LYNX1: variants seen among roughly 807,000 people sequenced by gnomAD.
LYNX1 encodes Ly6/neurotoxin 1.
In LYNX1, 8 loss-of-function variants were observed where a neutral mutation model predicts 8.3. The observed-to-expected ratio is 0.97, with a 90% confidence interval of 0.57 to 1.74. The LOEUF (loss-of-function observed/expected upper bound fraction) is 1.74. Among genes scored for constraint, LYNX1 ranks in the 40% most tolerant of loss-of-function variants. The probability of loss-of-function intolerance (pLI) is 0.00; values close to 1 mark genes in which losing one functional copy is unlikely to be tolerated. For synonymous variants in LYNX1, 73 were observed against 67.9 expected (o/e 1.08, Z -0.37); for missense variants, 158 against 159.7 (o/e 0.99, Z 0.06).
chr8:142,772,703 A>C lies in LYNX1; in HGVS notation c.*2464T>G, dbSNP rs181896698. Reference sequence around the variant, plus strand: ...TGATGCATACAACCCGGACAAGTTTACTGCTGTGATTTCTGCCGGCGCTGC... The same window carrying C: ...TGATGCATACAACCCGGACAAGTTTCCTGCTGTGATTTCTGCCGGCGCTGC... On this transcript the variant is annotated 3_prime_UTR_variant, in exon 4 of 4. Coordinates refer to ENST00000652477, the MANE Select transcript of LYNX1 (RefSeq NM_177477.4). 88 of 985,590 alleles carry C rather than the reference A, an allele frequency of 8.9e-5. No homozygotes were observed. In the East Asian group the frequency reaches 7.9e-3, roughly 89 times the overall value. The allele number at this position is 985,590 out of a possible 1,614,324, so 61.1% of individuals were successfully genotyped here.
chr8:142,771,322 A>C lies in LYNX1; in HGVS notation c.*3845T>G. 1 of 985,592 alleles carries C rather than the reference A, an allele frequency of 1.0e-6. No homozygotes were observed. The highest frequency in any genetic ancestry group is 1.2e-6 in the Non-Finnish European group (1 of 830,020). 61.1% of individuals were successfully genotyped at this position (985,592 alleles called of 1,614,324 possible). ...CTGGGAAGCACCTGGACCCCAGAAC[A>C]TAAGACAGGAGGGAGAGATGCCATC... On this transcript the variant is annotated 3_prime_UTR_variant, in exon 4 of 4. Transcript: ENST00000652477.
chr8:142,774,982 A>G lies in LYNX1; in HGVS notation c.*185T>C. 1.4e-6 allele frequency: 2 copies of G among 1,433,204 alleles called. No homozygotes were observed. The highest frequency in any genetic ancestry group is 3.0e-5 in the South Asian group (2 of 66,626). The allele number at this position is 1,433,204 out of a possible 1,614,324, so 88.8% of individuals were successfully genotyped here. ...GATCCCACACAGCATCGAAAGGTCA[A>G]GGCCTCGAAGTGAGGTCGTGTGGTG... On this transcript the variant is annotated 3_prime_UTR_variant, in exon 4 of 4. Transcript: ENST00000652477.
At position 142,771,530 on chromosome 8, in the gene LYNX1, G is replaced by A. The variant is rs1407385390; in HGVS notation, c.*3637C>T. ...GGTGGCTCTGTCCACCCTTCTGTCT[G>A]GGAGGCTCCTTAAGGCTGGGGAGGG... On this transcript the variant is annotated 3_prime_UTR_variant, in exon 4 of 4. Coordinates refer to ENST00000652477, the MANE Select transcript of LYNX1 (RefSeq NM_177477.4). 10 of 985,270 alleles carry A rather than the reference G, an allele frequency of 1.0e-5. No individual in the cohort carries two copies. Among genetic ancestry groups the A allele is most frequent in the Admixed American group, 1.2e-4 (2 of 16,262 alleles). The allele number at this position is 985,270 out of a possible 1,614,324, so 61.0% of individuals were successfully genotyped here.
chr8:142,771,885 A>C lies in LYNX1; in HGVS notation c.*3282T>G. 6 of 985,864 alleles carry C rather than the reference A, an allele frequency of 6.1e-6. No individual in the cohort carries two copies. The highest frequency in any genetic ancestry group is 7.2e-6 in the Non-Finnish European group (6 of 829,996). 61.1% of individuals were successfully genotyped at this position (985,864 alleles called of 1,614,324 possible). A position where few individuals can be genotyped will look rare whatever the true frequency, so the allele number is the denominator to read the frequency against. ...CCCCAAAGACCCCAGGACAGACCAG[A>C]GCTCCTGCTGGAGCCGGGTGTCCCC... On this transcript the variant is annotated 3_prime_UTR_variant, in exon 4 of 4. Transcript: ENST00000652477.
chr8:142,774,974 A>G lies in LYNX1; in HGVS notation c.*193T>C. ...ACTTTTGGGATCCCACACAGCATCGAAAGGTCAAGGCCTCGAAGTGAGGTC... is the reference window on the plus strand; with the variant it reads ...ACTTTTGGGATCCCACACAGCATCGGAAGGTCAAGGCCTCGAAGTGAGGTC... On this transcript the variant is annotated 3_prime_UTR_variant, in exon 4 of 4. Coordinates refer to ENST00000652477, the MANE Select transcript of LYNX1 (RefSeq NM_177477.4). The G allele has an allele frequency of 7.0e-7, 1 of 1,429,490 alleles. No individual in the cohort carries two copies. Among genetic ancestry groups the G allele is most frequent in the Non-Finnish European group, 9.1e-7 (1 of 1,095,808 alleles). The allele number at this position is 1,429,490 out of a possible 1,614,324, so 88.6% of individuals were successfully genotyped here. A position where few individuals can be genotyped will look rare whatever the true frequency, so the allele number is the denominator to read the frequency against.
chr8:142,771,496 G>A lies in LYNX1; in HGVS notation c.*3671C>T. ...AGGGAGGACCCCCGTGTGTCTCTCG[G>A]GCTGCCCAGGTGGCTCTGTCCACCC... On this transcript the variant is annotated 3_prime_UTR_variant, in exon 4 of 4. Transcript: ENST00000652477. 1 of 985,474 alleles carries A rather than the reference G, an allele frequency of 1.0e-6. No homozygotes were observed. Among genetic ancestry groups the A allele is most frequent in the Non-Finnish European group, 1.2e-6 (1 of 829,958 alleles). 61.0% of individuals were successfully genotyped at this position (985,474 alleles called of 1,614,324 possible). A position where few individuals can be genotyped will look rare whatever the true frequency, so the allele number is the denominator to read the frequency against.
In LYNX1 at chr8:142,774,960, C is replaced by T. The variant is rs2130112128; in HGVS notation, c.*207G>A. 1.4e-6 allele frequency: 2 copies of T among 1,428,120 alleles called. No homozygotes were observed. Among genetic ancestry groups the T allele is most frequent in the Non-Finnish European group, 1.8e-6 (2 of 1,095,244 alleles). The allele number at this position is 1,428,120 out of a possible 1,614,324, so 88.5% of individuals were successfully genotyped here. ...CATCAAAGCCGGACACTTTTGGGAT[C>T]CCACACAGCATCGAAAGGTCAAGGC... On this transcript the variant is annotated 3_prime_UTR_variant, in exon 4 of 4. Transcript: ENST00000652477.
chr8:142,774,576 C>T lies in LYNX1; in HGVS notation c.*591G>A, dbSNP rs1477067441. 4.8e-5 allele frequency: 47 copies of T among 985,748 alleles called. No homozygotes were observed. Among genetic ancestry groups the T allele is most frequent in the Non-Finnish European group, 5.3e-5 (44 of 830,268 alleles). 61.1% of individuals were successfully genotyped at this position (985,748 alleles called of 1,614,324 possible). ...GGGCCTGCTGAGGCAGAGCCGCCCC[C>T]TCCCCTGCAGGGGGTGGCTCCAACT... On this transcript the variant is annotated 3_prime_UTR_variant, in exon 4 of 4. Coordinates refer to ENST00000652477, the MANE Select transcript of LYNX1 (RefSeq NM_177477.4).
Position 142,774,144 on chromosome 8 carries a change from C to CGCCCCGG in LYNX1, c.*1022_*1023insCCGGGGC. 3 of 983,740 alleles carry CGCCCCGG rather than the reference C, an allele frequency of 3.0e-6. No homozygotes were observed. Among genetic ancestry groups the CGCCCCGG allele is most frequent in the Non-Finnish European group, 3.6e-6 (3 of 829,040 alleles). 60.9% of individuals were successfully genotyped at this position (983,740 alleles called of 1,614,324 possible). On this transcript the variant is annotated 3_prime_UTR_variant, in exon 4 of 4. Coordinates refer to ENST00000652477, the MANE Select transcript of LYNX1 (RefSeq NM_177477.4). ...CGCTGCGGGGGAGGGGCTGGGTCTC[C>CGCCCCGG]GCCCTCCCCACCCCACCCTCCCCAC...
Position 142,772,782 on chromosome 8 carries a change from C to T in LYNX1, c.*2385G>A. The T allele has an allele frequency of 1.0e-6, 1 of 985,592 alleles. No homozygotes were observed. Among genetic ancestry groups the T allele is most frequent in the Non-Finnish European group, 1.2e-6 (1 of 830,032 alleles). 61.1% of individuals were successfully genotyped at this position (985,592 alleles called of 1,614,324 possible). On this transcript the variant is annotated 3_prime_UTR_variant, in exon 4 of 4. Transcript: ENST00000652477. ...ACGCACTCCCCATGAGTGGGCCTGC[C>T]CAGCATTAGCTGAGTGCCTTCTGTG...
Position 142,775,025 on chromosome 8 carries a change from GT to G in LYNX1, c.*141del. The stretch of plus-strand genomic sequence containing the variant: ...GTGTGGTGGTTGGGGGAGGTCGGGT[GT>G]CTTCTTGCCCACAGTCCTGACCCTG... On this transcript the variant is annotated 3_prime_UTR_variant, in exon 4 of 4. Coordinates refer to ENST00000652477, the MANE Select transcript of LYNX1 (RefSeq NM_177477.4). The G allele has an allele frequency of 6.9e-7, 1 of 1,442,994 alleles. No individual in the cohort carries two copies. Among genetic ancestry groups the G allele is most frequent in the Non-Finnish European group, 9.1e-7 (1 of 1,101,908 alleles). 89.4% of individuals were successfully genotyped at this position (1,442,994 alleles called of 1,614,324 possible). A position where few individuals can be genotyped will look rare whatever the true frequency, so the allele number is the denominator to read the frequency against.
At chr8:142,775,427 C>T in intron 3 of LYNX1, 64 bp from the exon 4 acceptor site, 1 of 1,591,752 alleles carries the variant, frequency 6.3e-7, no homozygotes, top group South Asian at 1.1e-5. Context: ...GCTGGCCCCA[C>T]CCCAGCATCC....
Position 142,774,372 on chromosome 8 carries a change from A to G in LYNX1, c.*795T>C. On this transcript the variant is annotated 3_prime_UTR_variant, in exon 4 of 4. Transcript: ENST00000652477. ...GCTCTGCCCCTTTCCCTCCCTGCCCAGAATAGCGCTGGCCGGGTCAGCGTC... is the reference window on the plus strand; with the variant it reads ...GCTCTGCCCCTTTCCCTCCCTGCCCGGAATAGCGCTGGCCGGGTCAGCGTC... 1.0e-6 allele frequency: 1 copy of G among 985,762 alleles called. No homozygotes were observed. 61.1% of individuals were successfully genotyped at this position (985,762 alleles called of 1,614,324 possible).
In LYNX1 at chr8:142,775,645, G is replaced by A; in HGVS notation, c.102C>T (p.Phe34=). The stretch of plus-strand genomic sequence containing the variant: ...CCATAGCCGGGCAGCGCATGGGGTT[G>A]AAGCAGTTGTCTCCGTTGTAGGCAC... ...HVCAYNGDNC[F]NPMRCPAMVA... Residue 34 remains phenylalanine (F), a synonymous_variant, in exon 3 of 4, where the codon TTC becomes TTT. Transcript: ENST00000652477. 1 of 1,604,286 alleles carries A rather than the reference G, an allele frequency of 6.2e-7. No individual in the cohort carries two copies. The highest frequency in any genetic ancestry group is 8.5e-7 in the Non-Finnish European group (1 of 1,175,536).
rs1038561824 is a variant in LYNX1 at position 142,771,797 on chromosome 8, C to T, written c.*3370G>A. 1.0e-6 allele frequency: 1 copy of T among 985,872 alleles called. No homozygotes were observed. Among genetic ancestry groups the T allele is most frequent in the Non-Finnish European group, 1.2e-6 (1 of 830,000 alleles). The allele number at this position is 985,872 out of a possible 1,614,324, so 61.1% of individuals were successfully genotyped here. ...CATAGTGGGGGAGGCGGCAGCTGGC[C>T]TGGCTCCCCCACTTCCCCAGGACCT... On this transcript the variant is annotated 3_prime_UTR_variant, in exon 4 of 4. Transcript: ENST00000652477.
At position 142,772,420 on chromosome 8, in the gene LYNX1, C is replaced by G; in HGVS notation, c.*2747G>C. On this transcript the variant is annotated 3_prime_UTR_variant, in exon 4 of 4. Coordinates refer to ENST00000652477, the MANE Select transcript of LYNX1 (RefSeq NM_177477.4). ...CTGGTTCCACTTTTCTCCTTTTAAG[C>G]TTTCCATTTTGTAAACTCACCTCCC... 10 of 985,554 alleles carry G rather than the reference C, an allele frequency of 1.0e-5. No homozygotes were observed. Among genetic ancestry groups the G allele is most frequent in the Non-Finnish European group, 1.2e-5 (10 of 829,992 alleles). The allele number at this position is 985,554 out of a possible 1,614,324, so 61.1% of individuals were successfully genotyped here.
chr8:142,777,379 C>CCCGCCCCGGAT (rs1815470309), upstream of LYNX1: 1 of 193,254 alleles, frequency 5.2e-6, no homozygotes, highest in Non-Finnish European at 1.0e-5. Context: ...CCGCCCCGGA[C>CCCGCCCCGGAT]CCGCCTCCTG....
In LYNX1 at chr8:142,775,559, C is replaced by T. The variant is rs1303677281; in HGVS notation, c.154+34G>A. On this transcript the variant is annotated intron_variant, in intron 3 of 3. Coordinates refer to ENST00000652477, the MANE Select transcript of LYNX1 (RefSeq NM_177477.4). Reference sequence around the variant, plus strand: ...AGGGCAGAACCTCCCCTTCGTGCTCCCCAGGCAGGGCCACGCAGGGCCCCC... The same window carrying T: ...AGGGCAGAACCTCCCCTTCGTGCTCTCCAGGCAGGGCCACGCAGGGCCCCC... 7 of 1,565,374 alleles carry T rather than the reference C, an allele frequency of 4.5e-6. No homozygotes were observed. The East Asian group carries it at 1.7e-4, about 37-fold the overall frequency.
chr8:142,776,025 G>GGGTGGCGCACAGAGGATCCAACTCA lies in LYNX1; in HGVS notation c.-93_-69dup. ...GCAGCTAGCCCTGGATCCAACTCAG[G>GGGTGGCGCACAGAGGATCCAACTCA]GGTGGCGCACAGAGGATCCAACTCA... On this transcript the variant is annotated 5_prime_UTR_variant, in exon 2 of 4. Transcript: ENST00000652477. The GGGTGGCGCACAGAGGATCCAACTCA allele has an allele frequency of 7.3e-7, 1 of 1,374,476 alleles. No homozygotes were observed. The highest frequency in any genetic ancestry group is 1.4e-5 in the South Asian group (1 of 72,902). The allele number at this position is 1,374,476 out of a possible 1,614,324, so 85.1% of individuals were successfully genotyped here.
Sources: gnomAD v4.1 joint callset for allele counts on GRCh38, gnomAD v4.1.1 for gene constraint, MANE v1.5 for transcripts, NCBI Gene and HGNC (gene_info 2026-07-23, HGNC 2026-07-21) for gene names.